Variants in WDR91 observed in about 807,000 individuals in gnomAD.
The protein encoded by WDR91 is WD repeat-containing protein 91.
In WDR91, 52 loss-of-function variants were observed where a neutral mutation model predicts 88.4. The observed-to-expected ratio is 0.59, with a 90% CI of 0.47 to 0.74. The LOEUF is 0.74. Ranked by LOEUF, WDR91 falls within the 30% of genes least tolerant of loss-of-function variation. WDR91 has a pLI of 0.00. For synonymous variants in WDR91, 362 were observed against 389.5 expected (o/e 0.93, Z 0.83); for missense variants, 824 against 954.5 (o/e 0.86, Z 1.80).
At chr7:135,203,485 C>T (rs1033165558) in intron 6 of WDR91, among the ~76,000 whole-genome samples, 31 of 152,156 alleles carry the variant, frequency 2.0e-4, no homozygotes, top group Admixed American at 3.3e-4. Flanking sequence ...GTCAGTGGGA[C>T]CCTTGGCTGT....
chr7:135,204,463 G>A (rs760724459), intron 5 of WDR91, 30 bp from the exon 6 acceptor site: 1 of 1,609,264 alleles, frequency 6.2e-7, no homozygotes. Context: ...CAGGGTCAGA[G>A]GGCTGAAACA....
intron 11 of WDR91, among the ~76,000 whole-genome samples, chr7:135,191,926 T>C (rs1414490988): frequency 1.3e-5 from 2 of 152,058 alleles, no homozygotes; most frequent in African/African-American, 4.8e-5. Flanking sequence ...CTAAGAGGAA[T>C]TGAATTAAAC....
At position 135,187,153 on chromosome 7, in the gene WDR91, A is replaced by T; in HGVS notation, c.1898T>A (p.Ile633Asn). ...GEDGKFIQWN[I>N]HKSGLKVSEY... Reference sequence around the variant, plus strand: ...GGATACCTTGAGGCCACTCTTGTGGATGTTCCACTGGATGAACTGCAGTCA... The same window carrying T: ...GGATACCTTGAGGCCACTCTTGTGGTTGTTCCACTGGATGAACTGCAGTCA... The change falls in exon 14 of 15, where the codon ATC becomes AAC. Residue 633 changes from isoleucine (I) to asparagine (N), a missense_variant. Physicochemically the swap from Ile to Asn is moderately radical, Grantham distance 149. Transcript: ENST00000354475. 2 of 1,614,168 alleles carry T rather than the reference A, an allele frequency of 1.2e-6. No individual in the cohort carries two copies. The highest frequency in any genetic ancestry group is 1.7e-6 in the Non-Finnish European group (2 of 1,180,042).
Position 135,185,127 on chromosome 7 carries a change from C to T in WDR91, c.*1024G>A, listed in dbSNP as rs1430225081. On this transcript the variant is annotated 3_prime_UTR_variant, in exon 15 of 15. Coordinates refer to ENST00000354475, the MANE Select transcript of WDR91 (RefSeq NM_014149.4). ...TTAAGTGATCCACCCACCTTGGCCT[C>T]CCAAAGTGCTGGGATTACAGACGTG... The T allele has an allele frequency of 6.6e-6, 1 of 152,212 alleles. No homozygotes were observed. The highest frequency in any genetic ancestry group is 1.5e-5 in the Non-Finnish European group (1 of 68,066). 9.4% of individuals were successfully genotyped at this position (152,212 alleles called of 1,614,324 possible).
rs1445828230 is a variant in WDR91 at position 135,186,991 on chromosome 7, G to A, written c.2060C>T (p.Thr687Ile). ...EGNYMLTCSA[T>I]GGVIYKLGGD... ...AGTTACCTTGTAGATGACGCCGCCT[G>A]TGGCAGAACATGTCAGCATGTAATT... Residue 687 changes from threonine (T) to isoleucine (I), a missense_variant, in exon 14 of 15, where the codon ACA becomes ATA. By Grantham distance (89) the Thr-to-Ile change is moderately conservative (BLOSUM62 -1). Coordinates refer to ENST00000354475, the MANE Select transcript of WDR91 (RefSeq NM_014149.4). 6.2e-7 allele frequency: 1 copy of A among 1,613,906 alleles called. No homozygotes were observed. Among genetic ancestry groups the A allele is most frequent in the Non-Finnish European group, 8.5e-7 (1 of 1,180,052 alleles).
rs1467765486 is a variant in WDR91, at chr7:135,190,998, A to G, written c.1660-1546T>C. Reference sequence around the variant, plus strand: ...AAAACAAATCCCAAGCAAAACTTCAAAAAAATTAATTTCAAAAGTTAAGAA... The same window carrying G: ...AAAACAAATCCCAAGCAAAACTTCAGAAAAATTAATTTCAAAAGTTAAGAA... On this transcript the variant is annotated intron_variant, in intron 11 of 14. Coordinates refer to ENST00000354475, the MANE Select transcript of WDR91 (RefSeq NM_014149.4). Among the ~76,000 whole-genome samples, 4 of 152,366 alleles carry G rather than the reference A, an allele frequency of 2.6e-5. No homozygotes were observed. In the East Asian group the frequency reaches 7.7e-4, roughly 29 times the overall value.
At chr7:135,205,574 C>A (rs549563668) in intron 5 of WDR91, among the ~76,000 whole-genome samples, 151 of 152,082 alleles carry the variant, frequency 9.9e-4, no homozygotes, top group African/African-American at 3.5e-3. Flanking sequence ...CTGGCCAATA[C>A]GATGAAATCC....
Position 135,184,624 on chromosome 7 carries a change from G to T in WDR91, c.*1527C>A, listed in dbSNP as rs540649818. On this transcript the variant is annotated 3_prime_UTR_variant, in exon 15 of 15. Coordinates refer to ENST00000354475, the MANE Select transcript of WDR91 (RefSeq NM_014149.4). ...GCCAGGGAGGAGAGGGCAGGCCTCA[G>T]GCAGGGTGTGGACACAGCTGGTTGA... 2 of 152,470 alleles carry T rather than the reference G, an allele frequency of 1.3e-5. No individual in the cohort carries two copies. Among genetic ancestry groups the T allele is most frequent in the Admixed American group, 6.5e-5 (1 of 15,300 alleles). 9.4% of individuals were successfully genotyped at this position (152,470 alleles called of 1,614,324 possible).
At chr7:135,191,493 T>C (rs1313410353) in intron 11 of WDR91, among the ~76,000 whole-genome samples, 1 of 150,346 alleles carries the variant, frequency 6.7e-6, no homozygotes, top group African/African-American at 2.5e-5. Context: ...TAATCCCAGC[T>C]ACTCAGGAGG....
intron 14 of WDR91, 94 bp from the exon 15 acceptor site, chr7:135,186,409 G>A: frequency 7.4e-7 from 1 of 1,352,154 alleles, no homozygotes; most frequent in Non-Finnish European, 1.0e-6. Flanking sequence ...ATGTGCCTGA[G>A]GCCAGACACA....
At chr7:135,210,956 A>G (rs1340224288) in intron 1 of WDR91, 1 of 702,630 alleles carries the variant, frequency 1.4e-6, no homozygotes, top group Non-Finnish European at 2.6e-6. Flanking sequence ...TTAAACAAAC[A>G]CCGCAGATAC....
At chr7:135,210,589 G>C (rs1226254250) in intron 1 of WDR91, among the ~76,000 whole-genome samples, 1 of 152,198 alleles carries the variant, frequency 6.6e-6, no homozygotes, top group African/African-American at 2.4e-5. Context: ...TTACAGCAGA[G>C]TACAGAATCT....
chr7:135,192,130 T>G (rs1334258599), intron 11 of WDR91, among the ~76,000 whole-genome samples: 2 of 149,862 alleles, frequency 1.3e-5, no homozygotes, highest in Admixed American at 6.6e-5. Flanking sequence ...TTTTTTTTTT[T>G]TTTTTGAGAC....
In WDR91 at chr7:135,190,933, A is replaced by C. The variant is rs530912472; in HGVS notation, c.1660-1481T>G. ...AATACTGGAAAAAATGATGACTGAG[A>C]ATTTTCCAGAATTGAACAGACACAA... is the stretch of plus-strand genomic sequence containing the variant. On this transcript the variant is annotated intron_variant, in intron 11 of 14. Transcript: ENST00000354475. Among the ~76,000 whole-genome samples the C allele has an allele frequency of 3.9e-5, 6 of 152,358 alleles. No homozygotes were observed. In the South Asian group the frequency reaches 1.2e-3, roughly 32 times the overall value.
chr7:135,199,042 G>C (rs1283615522), intron 6 of WDR91: 1 of 152,176 alleles, frequency 6.6e-6, no homozygotes, highest in African/African-American at 2.4e-5. Flanking sequence ...ACTCAGGTTT[G>C]AGACCAATCT....
intron 14 of WDR91, 98 bp from the exon 15 acceptor site, chr7:135,186,413 A>G: frequency 1.6e-6 from 2 of 1,288,504 alleles, no homozygotes; most frequent in Non-Finnish European, 2.1e-6. Context: ...GCCTGAGGCC[A>G]GACACACATG....
At chr7:135,187,817 C>G (rs938094239) in intron 13 of WDR91, among the ~76,000 whole-genome samples, 5 of 152,148 alleles carry the variant, frequency 3.3e-5, no homozygotes, top group African/African-American at 1.2e-4. Flanking sequence ...CCTTCCCAAA[C>G]TTTTCAAATG....
At chr7:135,208,145 GC>G (rs1223590439) in intron 3 of WDR91, among the ~76,000 whole-genome samples, 3 of 152,148 alleles carry the variant, frequency 2.0e-5, no homozygotes, top group Admixed American at 2.0e-4. Context: ...CCCCATTCAA[GC>G]CAGACTCCCT....
At chr7:135,209,111 G>T in intron 2 of WDR91, 113 bp from the exon 3 acceptor site, 1 of 830,514 alleles carries the variant, frequency 1.2e-6, no homozygotes, top group Non-Finnish European at 1.8e-6. Flanking sequence ...CAGGTAAGTG[G>T]CAAAATAAAA....
Sources: gnomAD v4.1 joint callset for allele counts (sites outside exome capture counted in the v4.1 genomes callset) on GRCh38, gnomAD v4.1.1 for gene constraint, MANE v1.5 for transcripts, NCBI Gene and HGNC (gene_info 2026-07-23, HGNC 2026-07-21) for gene names.